DNM3: variants seen among roughly 807,000 people sequenced by gnomAD.
The protein encoded by DNM3 is dynamin-3.
A neutral mutation model predicts 101.6 loss-of-function variants in DNM3; 47 were observed. The observed-to-expected ratio is 0.46, with a 90% CI of 0.37 to 0.59. The LOEUF (loss-of-function observed/expected upper bound fraction) is 0.59, where lower values mean the gene tolerates loss of function less well. Among genes scored for constraint, DNM3 ranks in the 20% least tolerant of loss-of-function variants. The pLI is 0.00. For missense variants in DNM3, 849 were observed against 1,085.7 expected (o/e 0.78, Z 3.06); for synonymous variants, 385 against 387.9 (o/e 0.99, Z 0.09).
At chr1:171,842,231 C>G (rs569725662) in intron 1 of DNM3, among the ~76,000 whole-genome samples, 11 of 152,258 alleles carry the variant, frequency 7.2e-5, no homozygotes, top group African/African-American at 2.4e-4. Context: ...TCAACACCCC[C>G]CTCCTTTTCC....
At chr1:172,217,512 G>C (rs1169324753) in intron 14 of DNM3, among the ~76,000 whole-genome samples, 2 of 145,088 alleles carry the variant, frequency 1.4e-5, no homozygotes, top group Admixed American at 6.8e-5. Context: ...TTTTCCATTA[G>C]AGATGTGTTT....
intron 2 of DNM3, among the ~76,000 whole-genome samples, chr1:171,930,170 T>C (rs990727173): frequency 6.6e-6 from 1 of 151,480 alleles, no homozygotes; most frequent in African/African-American, 2.4e-5. Context: ...CCTGGTCAGT[T>C]TGAACTCTCC....
intron 13 of DNM3, among the ~76,000 whole-genome samples, chr1:172,106,374 T>A (rs1299101135): frequency 2.6e-5 from 4 of 152,054 alleles, no homozygotes; most frequent in African/African-American, 9.7e-5. Flanking sequence ...TGAGCCGACA[T>A]CGTGCCACTG....
intron 14 of DNM3, among the ~76,000 whole-genome samples, chr1:172,207,675 T>G (rs950458643): frequency 9.9e-5 from 15 of 152,122 alleles, no homozygotes; most frequent in African/African-American, 3.6e-4. Context: ...TTTGTTTTTA[T>G]GTGTATGCTT....
chr1:172,082,252 C>G (rs146955904), intron 12 of DNM3, among the ~76,000 whole-genome samples: 194 of 150,824 alleles, frequency 1.3e-3, no homozygotes, highest in African/African-American at 4.5e-3. Context: ...TTTTTCACAT[C>G]AATTTGAAAT....
intron 20 of DNM3, among the ~76,000 whole-genome samples, chr1:172,389,763 G>T (rs1244863528): frequency 6.6e-6 from 1 of 152,184 alleles, no homozygotes; most frequent in Admixed American, 6.5e-5. Flanking sequence ...CATCCCTGAA[G>T]CCTGAGCCAC....
At chr1:172,314,746 T>C (rs968466184) in intron 16 of DNM3, among the ~76,000 whole-genome samples, 2 of 152,246 alleles carry the variant, frequency 1.3e-5, no homozygotes, top group Non-Finnish European at 2.9e-5. Context: ...AAGCTCCAAC[T>C]GGCTGGAGCC....
intron 17 of DNM3, among the ~76,000 whole-genome samples, chr1:172,372,082 C>T (rs1232773110): frequency 3.0e-5 from 3 of 100,738 alleles, no homozygotes; most frequent in Non-Finnish European, 5.5e-5. Flanking sequence ...CACCCCACAA[C>T]AGTCCCCAGA....
chr1:171,891,211 G>C (rs747388219), intron 1 of DNM3, among the ~76,000 whole-genome samples: 1 of 152,128 alleles, frequency 6.6e-6, no homozygotes, highest in Non-Finnish European at 1.5e-5. Context: ...CGGCATTAGA[G>C]ATGGGGCTGC....
At chr1:171,920,194 C>T (rs886323015) in intron 1 of DNM3, among the ~76,000 whole-genome samples, 3 of 152,160 alleles carry the variant, frequency 2.0e-5, no homozygotes, top group African/African-American at 7.2e-5. Flanking sequence ...TTTTGACTCT[C>T]CATTCCAAAC....
At chr1:171,864,891 T>C (rs951707307) in intron 1 of DNM3, among the ~76,000 whole-genome samples, 8 of 152,134 alleles carry the variant, frequency 5.3e-5, no homozygotes, top group Non-Finnish European at 1.2e-4. Flanking sequence ...AGCTTGGAGT[T>C]CCAAATTTAG....
intron 10 of DNM3, among the ~76,000 whole-genome samples, chr1:172,056,786 C>T (rs1471402989): frequency 1.3e-5 from 2 of 152,188 alleles, no homozygotes; most frequent in East Asian, 1.9e-4. Flanking sequence ...AAGCAGAGTG[C>T]CTCTCCTCCT....
intron 4 of DNM3, among the ~76,000 whole-genome samples, chr1:172,014,983 C>T (rs371678898): frequency 3.3e-5 from 5 of 152,016 alleles, no homozygotes; most frequent in African/African-American, 1.2e-4. Context: ...TGTCTATATT[C>T]ATCTTTTAGC....
At chr1:171,845,147 T>G (rs1558154409) in intron 1 of DNM3, among the ~76,000 whole-genome samples, 1 of 152,216 alleles carries the variant, frequency 6.6e-6, no homozygotes, top group Non-Finnish European at 1.5e-5. Flanking sequence ...CCATAACCCA[T>G]GCTCTAGAAC....
intron 12 of DNM3, among the ~76,000 whole-genome samples, chr1:172,092,051 T>C (rs929073610): frequency 3.3e-5 from 5 of 152,088 alleles, no homozygotes; most frequent in African/African-American, 1.2e-4. Flanking sequence ...AGAATTGCCA[T>C]TAGTTAAGAG....
At chr1:171,877,212 T>A (rs1171843883) in intron 1 of DNM3, among the ~76,000 whole-genome samples, 3 of 152,220 alleles carry the variant, frequency 2.0e-5, no homozygotes. Context: ...GATAAGCTTT[T>A]CTTTAGGCAT....
At chr1:172,048,167 C>A (rs566792722) in intron 9 of DNM3, among the ~76,000 whole-genome samples, 32 of 152,212 alleles carry the variant, frequency 2.1e-4, no homozygotes, top group African/African-American at 7.0e-4. Context: ...ATTCATAACT[C>A]CCCTTACTGT....
At chr1:172,076,947 G>A (rs1209131904) in intron 11 of DNM3, among the ~76,000 whole-genome samples, 6 of 152,038 alleles carry the variant, frequency 3.9e-5, no homozygotes, top group Non-Finnish European at 8.8e-5. Context: ...TCTGGTCCTG[G>A]GCTTTTTTTG....
At chr1:171,869,309 C>T (rs1345107070) in intron 1 of DNM3, among the ~76,000 whole-genome samples, 5 of 152,138 alleles carry the variant, frequency 3.3e-5, no homozygotes, top group Non-Finnish European at 7.3e-5. Flanking sequence ...TGCTGCCCTC[C>T]CCATGCCTGA....
Sources: gnomAD v4.1 joint callset for allele counts (sites outside exome capture counted in the v4.1 genomes callset) on GRCh38, gnomAD v4.1.1 for gene constraint, MANE v1.5 for transcripts, NCBI Gene and HGNC (gene_info 2026-07-23, HGNC 2026-07-21) for gene names.